Variants in DNM3 observed in about 807,000 individuals in gnomAD.
DNM3 encodes dynamin-3.
In DNM3, 47 loss-of-function variants were observed where a neutral mutation model predicts 101.6. The observed-to-expected ratio is 0.46, with a 90% CI of 0.37 to 0.59. DNM3 has a LOEUF of 0.59. DNM3 is among the 20% of genes least tolerant of loss of function. DNM3 has a pLI of 0.00. For missense variants in DNM3, 849 were observed against 1,085.7 expected (o/e 0.78, Z 3.06); for synonymous variants, 385 against 387.9 (o/e 0.99, Z 0.09).
At chr1:172,032,314 G>A (rs930965189) in intron 4 of DNM3, 88 bp from the exon 5 acceptor site, 36 of 939,088 alleles carry the variant, frequency 3.8e-5, no homozygotes, top group Non-Finnish European at 5.5e-5. Context: ...CCAGGAAAAT[G>A]TGCTTTACAT....
chr1:172,309,016 T>A, intron 16 of DNM3, 177 bp downstream of exon 16: 1 of 424,678 alleles, frequency 2.4e-6, no homozygotes, highest in Non-Finnish European at 4.1e-6. Context: ...TTTTTCTCTG[T>A]TAGATTTCTA....
chr1:172,131,296 AC>A lies in DNM3; in HGVS notation c.1659+9del. The A allele has an allele frequency of 1.9e-6, 3 of 1,608,074 alleles. No homozygotes were observed. Among genetic ancestry groups the A allele is most frequent in the Non-Finnish European group, 2.6e-6 (3 of 1,175,022 alleles). On this transcript the variant is annotated intron_variant, in intron 14 of 20. Transcript: ENST00000627582. Reference sequence around the variant, plus strand: ...TGGTATAAAGATGATGAGGTAAGTCACAGAGAGTGATAAAGTTTTCTTGTTA... The same window carrying A: ...TGGTATAAAGATGATGAGGTAAGTCAAGAGAGTGATAAAGTTTTCTTGTTA...
At chr1:172,345,418 G>A (rs1005472065) in intron 17 of DNM3, among the ~76,000 whole-genome samples, 1 of 152,316 alleles carries the variant, frequency 6.6e-6, no homozygotes, top group Non-Finnish European at 1.5e-5. Context: ...GGCTTCCTAA[G>A]TGAACTACTC....
chr1:172,284,260 A>T (rs1352619790), intron 15 of DNM3, among the ~76,000 whole-genome samples: 1 of 152,184 alleles, frequency 6.6e-6, no homozygotes, highest in African/African-American at 2.4e-5. Flanking sequence ...TGGGTTATGA[A>T]TTATTTTCAG....
chr1:172,415,944 G>C (rs1417645315), downstream of DNM3, among the ~76,000 whole-genome samples: 1 of 152,160 alleles, frequency 6.6e-6, no homozygotes, highest in African/African-American at 2.4e-5. Flanking sequence ...AGAGCCAAAA[G>C]AATGAGGGTA....
intron 4 of DNM3, among the ~76,000 whole-genome samples, chr1:172,021,883 T>G (rs1357037967): frequency 6.6e-6 from 1 of 152,248 alleles, no homozygotes; most frequent in African/African-American, 2.4e-5. Flanking sequence ...AAGAACTGTG[T>G]TAAATTATTC....
chr1:172,393,849 A>T (rs1301335291), intron 20 of DNM3: 2 of 152,582 alleles, frequency 1.3e-5, no homozygotes, highest in African/African-American at 4.8e-5. Context: ...AACAACTTTG[A>T]GGTGTTCTTT....
Position 172,410,268 on chromosome 1 carries a change from T to C in DNM3, c.*2427T>C, listed in dbSNP as rs1194054616. 1.0e-6 allele frequency: 1 copy of C among 985,296 alleles called. No individual in the cohort carries two copies. The highest frequency in any genetic ancestry group is 1.1e-4 in the East Asian group (1 of 8,836). The allele number at this position is 985,296 out of a possible 1,614,324, so 61.0% of individuals were successfully genotyped here. A position where few individuals can be genotyped will look rare whatever the true frequency, so the allele number is the denominator to read the frequency against. On this transcript the variant is annotated 3_prime_UTR_variant, in exon 21 of 21. Transcript: ENST00000627582. ...TTGAATGAAGTCTGAAACTCTAGTA[T>C]GTGCATAGTTTGACGTGCAGCATGC...
chr1:171,972,540 T>C (rs1181469023), intron 2 of DNM3, among the ~76,000 whole-genome samples: 1 of 152,170 alleles, frequency 6.6e-6, no homozygotes, highest in East Asian at 1.9e-4. Context: ...GAAGGCAGTA[T>C]GCGAGGCACT....
At chr1:171,843,131 T>C (rs898335637) in intron 1 of DNM3, among the ~76,000 whole-genome samples, 1 of 152,232 alleles carries the variant, frequency 6.6e-6, no homozygotes, top group African/African-American at 2.4e-5. Flanking sequence ...ATAAAGTACA[T>C]ATTCCTTTCT....
intron 15 of DNM3, among the ~76,000 whole-genome samples, chr1:172,267,613 T>A (rs1338092892): frequency 6.6e-6 from 1 of 152,202 alleles, no homozygotes; most frequent in African/African-American, 2.4e-5. Flanking sequence ...TCTCATAATC[T>A]TAACGTTTAT....
chr1:171,955,777 C>T (rs12120554), intron 2 of DNM3, among the ~76,000 whole-genome samples: 2 of 151,962 alleles, frequency 1.3e-5, no homozygotes, highest in African/African-American at 4.8e-5. Flanking sequence ...AAAGACATAC[C>T]TGAGACTGGG....
chr1:172,243,302 G>C (rs1402129551), intron 14 of DNM3, among the ~76,000 whole-genome samples: 6 of 152,106 alleles, frequency 3.9e-5, no homozygotes, highest in Non-Finnish European at 1.5e-5. Flanking sequence ...AAAGGGGAAT[G>C]TGCATTTCAA....
At chr1:171,952,394 A>G (rs1256528138) in intron 2 of DNM3, among the ~76,000 whole-genome samples, 1 of 152,134 alleles carries the variant, frequency 6.6e-6, no homozygotes, top group Non-Finnish European at 1.5e-5. Flanking sequence ...GGAATTTGGT[A>G]TCTTATTGCC....
chr1:171,880,569 A>G (rs1451248933), intron 1 of DNM3, among the ~76,000 whole-genome samples: 1 of 152,210 alleles, frequency 6.6e-6, no homozygotes, highest in Admixed American at 6.5e-5. Context: ...GTTAAATAGC[A>G]TACTCTGGAA....
At chr1:172,270,637 C>A (rs1375794972) in intron 15 of DNM3, among the ~76,000 whole-genome samples, 1 of 152,174 alleles carries the variant, frequency 6.6e-6, no homozygotes, top group African/African-American at 2.4e-5. Context: ...CACACAGCCT[C>A]AGCAAAGGGA....
intron 2 of DNM3, among the ~76,000 whole-genome samples, chr1:171,985,024 G>A (rs1297575093): frequency 5.9e-5 from 9 of 152,054 alleles, no homozygotes; most frequent in Non-Finnish European, 1.2e-4. Context: ...ACACCCTTCC[G>A]GAAGGGCATG....
chr1:172,372,798 C>T (rs1250959907), intron 17 of DNM3, among the ~76,000 whole-genome samples: 1 of 150,100 alleles, frequency 6.7e-6, no homozygotes, highest in Non-Finnish European at 1.5e-5. Context: ...ATCCTCCTAC[C>T]TCTGCCTCCT....
chr1:172,203,759 G>A (rs981002319), intron 14 of DNM3, among the ~76,000 whole-genome samples: 1 of 152,128 alleles, frequency 6.6e-6, no homozygotes, highest in Non-Finnish European at 1.5e-5. Context: ...TTCTATATGG[G>A]TTGGTACCAG....
Sources: gnomAD v4.1 joint callset for allele counts (sites outside exome capture counted in the v4.1 genomes callset) on GRCh38, gnomAD v4.1.1 for gene constraint, MANE v1.5 for transcripts, NCBI Gene and HGNC (gene_info 2026-07-23, HGNC 2026-07-21) for gene names.